Variants in EPHB1 observed in about 807,000 individuals in gnomAD.
The protein encoded by EPHB1 is EPH receptor B1, also known as ephrin type-B receptor 1.
Under a neutral mutation model 94.4 loss-of-function variants are expected in EPHB1, and 30 were observed. The observed-to-expected ratio is 0.32, with a 90% CI of 0.24 to 0.43. The LOEUF is 0.43. Among genes scored for constraint, EPHB1 ranks in the 20% least tolerant of loss-of-function variants. The pLI is 1.00. For synonymous variants in EPHB1, 522 were observed against 489.1 expected (o/e 1.07, Z -0.89); for missense variants, 1,055 against 1,308.3 (o/e 0.81, Z 2.99).
chr3:134,855,147 A>G (rs556714545), intron 1 of EPHB1, among the ~76,000 whole-genome samples: 85 of 152,370 alleles, frequency 5.6e-4, no homozygotes, highest in Non-Finnish European at 1.1e-3. Context: ...GTTTGCTTAT[A>G]TATCTTTCAG....
chr3:135,110,136 A>T (rs1343884411), intron 4 of EPHB1, among the ~76,000 whole-genome samples: 1 of 152,260 alleles, frequency 6.6e-6, no homozygotes, highest in Non-Finnish European at 1.5e-5. Context: ...AAAACTATAC[A>T]GAAGGACTGG....
intron 2 of EPHB1, among the ~76,000 whole-genome samples, chr3:134,939,356 T>G (rs1209213432): frequency 1.3e-5 from 2 of 148,446 alleles, no homozygotes; most frequent in Non-Finnish European, 3.0e-5. Flanking sequence ...GAATACCACA[T>G]CAGGCCATGG....
At chr3:135,201,101 G>A (rs187808321) in intron 11 of EPHB1, among the ~76,000 whole-genome samples, 83 of 152,170 alleles carry the variant, frequency 5.5e-4, no homozygotes, top group Admixed American at 2.0e-4. Context: ...TTTTAAGCCA[G>A]GGACTGACAT....
intron 3 of EPHB1, among the ~76,000 whole-genome samples, chr3:135,030,117 AC>A (rs1225826448): frequency 6.6e-6 from 1 of 151,426 alleles, no homozygotes; most frequent in Non-Finnish European, 1.5e-5. Flanking sequence ...TTCTAGTTAT[AC>A]ATTCTTCTAA....
chr3:134,915,863 T>C (rs1252807500), intron 1 of EPHB1, among the ~76,000 whole-genome samples: 2 of 152,214 alleles, frequency 1.3e-5, no homozygotes, highest in African/African-American at 4.8e-5. Flanking sequence ...GCAAGATTTA[T>C]TGCAAAGAGC....
At chr3:134,921,083 A>G (rs1024780877) in intron 1 of EPHB1, among the ~76,000 whole-genome samples, 1 of 152,084 alleles carries the variant, frequency 6.6e-6, no homozygotes, top group African/African-American at 2.4e-5. Flanking sequence ...CATCCTTCCC[A>G]GGTTCCTGCA....
intron 12 of EPHB1, among the ~76,000 whole-genome samples, chr3:135,202,049 C>G (rs117204145): frequency 6.6e-6 from 1 of 152,120 alleles, no homozygotes; most frequent in Non-Finnish European, 1.5e-5. Context: ...ATGCATGAGG[C>G]CTTCAGTCTG....
chr3:135,190,387 AG>A (rs1316414151), intron 10 of EPHB1, among the ~76,000 whole-genome samples: 2 of 152,242 alleles, frequency 1.3e-5, no homozygotes, highest in Non-Finnish European at 2.9e-5. Context: ...TATGACAACA[AG>A]GAAGAAATAC....
chr3:134,916,459 G>C (rs541134669), intron 1 of EPHB1, among the ~76,000 whole-genome samples: 1 of 152,264 alleles, frequency 6.6e-6, no homozygotes, highest in African/African-American at 2.4e-5. Context: ...GCAGGGTGGG[G>C]TGGGGAGGCT....
chr3:135,248,201 G>A, intron 13 of EPHB1, 115 bp from the exon 14 acceptor site: 1 of 1,008,088 alleles, frequency 9.9e-7, no homozygotes, highest in Admixed American at 2.5e-5. Context: ...CAAGCACAGA[G>A]CAAGGGCATC....
At chr3:135,108,085 C>T (rs903296578) in intron 4 of EPHB1, among the ~76,000 whole-genome samples, 24 of 152,198 alleles carry the variant, frequency 1.6e-4, no homozygotes, top group African/African-American at 5.5e-4. Context: ...CGCCCAGGGA[C>T]TCACAGTATT....
intron 3 of EPHB1, among the ~76,000 whole-genome samples, chr3:135,050,948 T>G (rs919929077): frequency 3.6e-5 from 5 of 139,598 alleles, no homozygotes; most frequent in Non-Finnish European, 7.7e-5. Flanking sequence ...GTGTGTGTGT[T>G]TAAGAACGGA....
At chr3:134,880,213 T>A (rs748389525) in intron 1 of EPHB1, among the ~76,000 whole-genome samples, 1 of 152,214 alleles carries the variant, frequency 6.6e-6, no homozygotes, top group Non-Finnish European at 1.5e-5. Flanking sequence ...CTCCAGCTGT[T>A]GAACAGCTGA....
chr3:135,101,988 C>G (rs1002897763), intron 3 of EPHB1, among the ~76,000 whole-genome samples: 7 of 152,152 alleles, frequency 4.6e-5, no homozygotes, highest in African/African-American at 1.4e-4. Context: ...GCACCCTGCT[C>G]TATTCCCCTA....
At chr3:135,040,604 A>G (rs903941340) in intron 3 of EPHB1, among the ~76,000 whole-genome samples, 9 of 152,250 alleles carry the variant, frequency 5.9e-5, no homozygotes, top group African/African-American at 2.2e-4. Context: ...TTGCACAGAC[A>G]TGTGCACACA....
At chr3:134,930,195 A>G (rs1237822834) in intron 2 of EPHB1, among the ~76,000 whole-genome samples, 7 of 152,226 alleles carry the variant, frequency 4.6e-5, no homozygotes, top group African/African-American at 1.4e-4. Context: ...TTGATGCTGT[A>G]CTTGAGAACT....
intron 1 of EPHB1, among the ~76,000 whole-genome samples, chr3:134,865,779 G>GA (rs1280932357): frequency 6.6e-6 from 1 of 152,152 alleles, no homozygotes; most frequent in Non-Finnish European, 1.5e-5. Context: ...CCTTTTGGAT[G>GA]AAAAAGCTAG....
intron 2 of EPHB1, among the ~76,000 whole-genome samples, chr3:134,939,855 A>G (rs2039080090): frequency 6.6e-6 from 1 of 152,240 alleles, no homozygotes; most frequent in Non-Finnish European, 1.5e-5. Context: ...GTCCCACAGG[A>G]CATGGTGGCA....
intron 15 of EPHB1, among the ~76,000 whole-genome samples, chr3:135,252,025 T>C (rs1293899999): frequency 3.9e-5 from 6 of 152,044 alleles, no homozygotes; most frequent in African/African-American, 7.2e-5. Context: ...TTATAAATAA[T>C]TTATAAATTA....
Sources: allele counts gnomAD v4.1 joint callset (sites outside exome capture counted in the v4.1 genomes callset), GRCh38; gene constraint gnomAD v4.1.1; transcripts MANE v1.5; gene names NCBI Gene and HGNC (gene_info 2026-07-23, HGNC 2026-07-21).